The following RBFOX1 variants were observed in gnomAD, a reference collection of about 807,000 sequenced individuals.
RBFOX1 encodes the protein RNA binding protein fox-1 homolog 1.
A neutral mutation model predicts 57.7 loss-of-function variants in RBFOX1; 8 were observed. The ratio of observed to expected loss-of-function variants is 0.14; its 90% CI spans 0.08 to 0.25. The LOEUF (loss-of-function observed/expected upper bound fraction) is 0.25. Among genes scored for constraint, RBFOX1 ranks in the 10% least tolerant of loss-of-function variants. The pLI is 1.00. For missense variants in RBFOX1, 611 were observed against 548.5 expected (o/e 1.11, Z -1.14); for synonymous variants, 326 against 222.4 (o/e 1.47, Z -4.15).
chr16:6,572,187 A>G (rs1382577602), intron 2 of RBFOX1, among the ~76,000 whole-genome samples: 2 of 152,014 alleles, frequency 1.3e-5, no homozygotes, highest in Non-Finnish European at 2.9e-5. Context: ...TGGAAGTATA[A>G]TATTTATTTA....
chr16:6,149,578 G>T (rs1369984846), intron 1 of RBFOX1, among the ~76,000 whole-genome samples: 1 of 152,180 alleles, frequency 6.6e-6, no homozygotes, highest in South Asian at 2.1e-4. Flanking sequence ...GTGCCTGTGA[G>T]CATCCCTTAG....
At chr16:7,390,516 A>G (rs189723355) in intron 4 of RBFOX1, among the ~76,000 whole-genome samples, 121 of 152,350 alleles carry the variant, frequency 7.9e-4, no homozygotes, top group African/African-American at 2.7e-3. Context: ...CCTTCTTCAC[A>G]AAATTGTAAA....
rs567522202 is a variant in RBFOX1, at chr16:5,988,660, A to G, written c.351+121325A>G. ...GAGCACGTCCAAGACCTGCCTGATC[A>G]TGAGTGAGCTGGAGGAATGAAAGGC... On this transcript the variant is annotated intron_variant, in intron 4 of 19. Transcript: ENST00000641259. Among the ~76,000 whole-genome samples, 24 of 152,334 alleles carry G rather than the reference A, an allele frequency of 1.6e-4. No homozygotes were observed. In the South Asian group the frequency reaches 4.6e-3, roughly 29 times the overall value.
intron 3 of RBFOX1, among the ~76,000 whole-genome samples, chr16:5,718,451 A>T (rs1045873823): frequency 9.2e-5 from 14 of 152,338 alleles, no homozygotes; most frequent in African/African-American, 3.4e-4. Flanking sequence ...TGTTATTTTG[A>T]TGATAGCTAA....
At chr16:7,180,680 C>T (rs190649395) in intron 4 of RBFOX1, among the ~76,000 whole-genome samples, 44 of 150,308 alleles carry the variant, frequency 2.9e-4, no homozygotes, top group Admixed American at 1.3e-3. Flanking sequence ...CCTCTGCACT[C>T]CCCTGCTCCA....
chr16:7,277,284 T>G (rs1320989226), intron 4 of RBFOX1, among the ~76,000 whole-genome samples: 1 of 152,196 alleles, frequency 6.6e-6, no homozygotes, highest in Non-Finnish European at 1.5e-5. Context: ...CAAAATATCA[T>G]GATATTCTAC....
At chr16:6,934,253 G>A (rs2077015665) in intron 3 of RBFOX1, among the ~76,000 whole-genome samples, 1 of 152,188 alleles carries the variant, frequency 6.6e-6, no homozygotes, top group Admixed American at 6.5e-5. Flanking sequence ...CACTGTGAAA[G>A]CAGCTCTTCA....
intron 1 of RBFOX1, among the ~76,000 whole-genome samples, chr16:6,162,981 G>T (rs2096890841): frequency 6.6e-6 from 1 of 152,050 alleles, no homozygotes; most frequent in Admixed American, 6.5e-5. Context: ...TGATCCACCT[G>T]CCTCACCTTC....
intron 1 of RBFOX1, among the ~76,000 whole-genome samples, chr16:5,278,480 T>G (rs1033541082): frequency 2.6e-5 from 4 of 152,244 alleles, no homozygotes; most frequent in Admixed American, 1.3e-4. Flanking sequence ...CCAGCGTTTT[T>G]ATAGTTATGG....
At chr16:7,695,863 G>T (rs1012963765) in intron 14 of RBFOX1, among the ~76,000 whole-genome samples, 6 of 152,082 alleles carry the variant, frequency 3.9e-5, no homozygotes, top group African/African-American at 1.2e-4. Context: ...TCAGTGTGGG[G>T]TTTGATGGAT....
chr16:6,493,627 A>T (rs1309443726), intron 2 of RBFOX1, among the ~76,000 whole-genome samples: 1 of 152,222 alleles, frequency 6.6e-6, no homozygotes, highest in Non-Finnish European at 1.5e-5. Flanking sequence ...ACACTGCAGT[A>T]ACAAAACCCT....
intron 5 of RBFOX1, among the ~76,000 whole-genome samples, chr16:7,523,576 C>T (rs960337715): frequency 6.6e-6 from 1 of 152,158 alleles, no homozygotes; most frequent in African/African-American, 2.4e-5. Flanking sequence ...ACTCTGTCTT[C>T]TCCAGCAATG....
intron 3 of RBFOX1, among the ~76,000 whole-genome samples, chr16:6,921,120 T>A (rs6500876): frequency 5.9e-5 from 9 of 151,958 alleles, no homozygotes; most frequent in African/African-American, 9.7e-5. Context: ...ATAAGTTTCC[T>A]AAACTCCCCC....
At chr16:6,788,321 G>C (rs60899640) in intron 3 of RBFOX1, among the ~76,000 whole-genome samples, 2 of 152,056 alleles carry the variant, frequency 1.3e-5, no homozygotes, top group African/African-American at 2.4e-5. Flanking sequence ...AGCATCTGCA[G>C]AGTATTTTAT....
intron 3 of RBFOX1, among the ~76,000 whole-genome samples, chr16:6,976,876 T>TG (rs1555703453): frequency 4.1e-5 from 6 of 146,692 alleles, no homozygotes; most frequent in African/African-American, 9.9e-5. Flanking sequence ...ACATATGTCA[T>TG]ATCCATATCA....
chr16:6,876,375 C>G (rs1320387312), intron 3 of RBFOX1, among the ~76,000 whole-genome samples: 3 of 151,918 alleles, frequency 2.0e-5, no homozygotes, highest in African/African-American at 7.3e-5. Context: ...TAATACCATC[C>G]AACCCCTGAA....
At chr16:6,668,657 A>C (rs1211685969) in intron 3 of RBFOX1, among the ~76,000 whole-genome samples, 1 of 152,176 alleles carries the variant, frequency 6.6e-6, no homozygotes, top group Non-Finnish European at 1.5e-5. Context: ...AACTAGGGTT[A>C]TGTTTTGATG....
chr16:6,719,627 T>C (rs1333333772), intron 3 of RBFOX1, among the ~76,000 whole-genome samples: 1 of 151,752 alleles, frequency 6.6e-6, no homozygotes, highest in Non-Finnish European at 1.5e-5. Flanking sequence ...TTTGTATTTT[T>C]AGTAGAGATG....
At chr16:5,970,305 A>G (rs2059937220) in intron 4 of RBFOX1, among the ~76,000 whole-genome samples, 1 of 152,028 alleles carries the variant, frequency 6.6e-6, no homozygotes, top group Non-Finnish European at 1.5e-5. Context: ...ATTTTGGAAG[A>G]ATTAGAGACT....
Sources: allele counts gnomAD v4.1 joint callset (sites outside exome capture counted in the v4.1 genomes callset), GRCh38; gene constraint gnomAD v4.1.1; transcripts MANE v1.5; gene names NCBI Gene and HGNC (gene_info 2026-07-23, HGNC 2026-07-21).